CLN3: variants seen among roughly 807,000 people sequenced by gnomAD.
The protein encoded by CLN3 is CLN3 lysosomal/endosomal transmembrane protein, battenin.
CLN3 carries 49 observed loss-of-function variants against 60.7 expected under a neutral mutation model. That is an observed-to-expected ratio of 0.81 (90% confidence interval 0.64 to 1.02). The LOEUF (loss-of-function observed/expected upper bound fraction) is 1.02. Among genes scored for constraint, CLN3 ranks in the 50% least tolerant of loss-of-function variants. The pLI is 0.00. For synonymous variants in CLN3, 256 were observed against 245.8 expected (o/e 1.04, Z -0.39); for missense variants, 516 against 557.4 (o/e 0.93, Z 0.75).
chr16:28,480,932 C>T (rs1458041987), intron 14 of CLN3, among the ~76,000 whole-genome samples: 1 of 152,314 alleles, frequency 6.6e-6, no homozygotes, highest in Admixed American at 6.5e-5. Context: ...AGATAAATAA[C>T]CCACTGACTT....
intron 5 of CLN3, 128 bp downstream of exon 5, chr16:28,488,463 G>T: frequency 1.3e-6 from 1 of 791,628 alleles, no homozygotes; most frequent in African/African-American, 1.7e-5. Context: ...GTGTGAGCCA[G>T]TGCGCCCAGC....
rs771123624 is a variant in CLN3, at chr16:28,488,582, A to G, written c.294+9T>C. ...GGTCAGGCAAGGACCAGGTGAGATG[A>G]GTACGCACAGCCGTAGAGACAGAGT... On this transcript the variant is annotated intron_variant, in intron 5 of 15. Transcript: ENST00000636147. 3 of 1,613,822 alleles carry G rather than the reference A, an allele frequency of 1.9e-6. No individual in the cohort carries two copies. The South Asian group carries it at 3.3e-5, about 18-fold the overall frequency.
rs45542432 is a variant in CLN3, at chr16:28,482,570, G to C, written c.838-25C>G. 8.7e-6 allele frequency: 14 copies of C among 1,614,032 alleles called. No individual in the cohort carries two copies. The African/African-American group carries it at 1.1e-4, about 12-fold the overall frequency. Reference sequence around the variant, plus strand: ...CCTGGAAAAGGCAGAAGATATAAGCGGGGGGCCTGGAGGTGAGCAAGCCCC... The same window carrying C: ...CCTGGAAAAGGCAGAAGATATAAGCCGGGGGCCTGGAGGTGAGCAAGCCCC... On this transcript the variant is annotated intron_variant, in intron 11 of 15. Transcript: ENST00000636147.
chr16:28,491,426 C>T, intron 3 of CLN3, 56 bp downstream of exon 3: 3 of 1,596,626 alleles, frequency 1.9e-6, no homozygotes, highest in Admixed American at 1.7e-5. Context: ...CCCTTTCCTC[C>T]GGTCACTTCC....
intron 3 of CLN3, among the ~76,000 whole-genome samples, chr16:28,489,763 T>C (rs1282327838): frequency 1.3e-5 from 2 of 151,106 alleles, no homozygotes; most frequent in Non-Finnish European, 3.0e-5. Flanking sequence ...AAATAAAAAA[T>C]AAAAAGGAAG....
At chr16:28,489,222 C>T in intron 4 of CLN3, 68 bp downstream of exon 4, 3 of 1,261,348 alleles carry the variant, frequency 2.4e-6, no homozygotes, top group Non-Finnish European at 3.4e-6. Context: ...AACTTTACCC[C>T]ACCTTGTCCC....
Position 28,487,885 on chromosome 16 carries a change from A to T in CLN3, c.295-144T>A, listed in dbSNP as rs373967346. 1.7e-4 allele frequency: 117 copies of T among 697,112 alleles called. 1 individual carries two copies. In the East Asian group the frequency reaches 3.0e-3, roughly 18 times the overall value. 43.2% of individuals were successfully genotyped at this position (697,112 alleles called of 1,614,324 possible). A position where few individuals can be genotyped will look rare whatever the true frequency, so the allele number is the denominator to read the frequency against. ...TCAGGCACGCCTGGGTTCAAGTCTC[A>T]GCTCTCCCACTCCTTAGTTGTGTGT... On this transcript the variant is annotated intron_variant, in intron 5 of 15. Transcript: ENST00000636147.
At chr16:28,486,282 A>G in intron 9 of CLN3, 65 bp downstream of exon 9, 3 of 1,602,242 alleles carry the variant, frequency 1.9e-6, no homozygotes, top group Non-Finnish European at 2.6e-6. Context: ...GTGAGCCACC[A>G]CACCCAGCCA....
At chr16:28,487,381 T>G (rs1016600722) in intron 7 of CLN3, 75 bp downstream of exon 7, 2 of 1,202,908 alleles carry the variant, frequency 1.7e-6, no homozygotes, top group Middle Eastern at 1.9e-4. Context: ...TCTGGGAGGC[T>G]GGGGAGACTC....
At chr16:28,476,866 G>A (rs1350512485), downstream of CLN3, 2 of 157,038 alleles carry the variant, frequency 1.3e-5, no homozygotes, top group Non-Finnish European at 2.8e-5. Context: ...GCCAGGTACA[G>A]TGGCTCACAC....
downstream of CLN3, among the ~76,000 whole-genome samples, chr16:28,474,679 T>C (rs922343872): frequency 6.6e-6 from 1 of 152,190 alleles, no homozygotes; most frequent in African/African-American, 2.4e-5. Flanking sequence ...TTCCACTCCT[T>C]GATATTATCC....
intron 12 of CLN3, 26 bp downstream of exon 12, chr16:28,482,451 C>T (rs1440698898): frequency 1.2e-6 from 2 of 1,613,972 alleles, no homozygotes; most frequent in Non-Finnish European, 1.7e-6. Flanking sequence ...GCCACCTCCA[C>T]ACCCCTCCTA....
In CLN3 at chr16:28,489,270, G is replaced by T; in HGVS notation, c.222+20C>A. On this transcript the variant is annotated intron_variant, in intron 4 of 15. Transcript: ENST00000636147. ...TCCCACAGGGACTAACCATGGTGGT[G>T]GTGGTAGAGAGTCACTTACATGGCT... is the stretch of plus-strand genomic sequence containing the variant. 1 of 1,578,976 alleles carries T rather than the reference G, an allele frequency of 6.3e-7. No homozygotes were observed. The highest frequency in any genetic ancestry group is 2.2e-5 in the East Asian group (1 of 44,574).
intron 5 of CLN3, 73 bp from the exon 6 acceptor site, chr16:28,487,814 G>A (rs966875545): frequency 1.6e-6 from 2 of 1,223,134 alleles, no homozygotes; most frequent in African/African-American, 3.0e-5. Context: ...GCCAAGGAGA[G>A]GCAGGAGCTG....
intron 4 of CLN3, 41 bp from the exon 5 acceptor site, chr16:28,488,703 G>A (rs1198747075): frequency 6.3e-7 from 1 of 1,588,202 alleles, no homozygotes; most frequent in Admixed American, 1.7e-5. Flanking sequence ...GGAGGCAGAG[G>A]GATAGACACA....
At chr16:28,487,609 C>A in intron 6 of CLN3, 53 bp downstream of exon 6, 1 of 1,598,240 alleles carries the variant, frequency 6.3e-7, no homozygotes, top group Non-Finnish European at 8.6e-7. Context: ...GCCATCCCAG[C>A]CTCCCCTTTC....
intron 4 of CLN3, among the ~76,000 whole-genome samples, chr16:28,489,053 C>T (rs1380671317): frequency 1.3e-5 from 2 of 152,116 alleles, no homozygotes; most frequent in African/African-American, 4.8e-5. Flanking sequence ...AGGTGTGTGC[C>T]ACCACACCCA....
intron 10 of CLN3, 108 bp downstream of exon 10, chr16:28,483,898 A>C: frequency 1.3e-6 from 1 of 788,952 alleles, no homozygotes; most frequent in Non-Finnish European, 2.2e-6. Context: ...TTTTCCCATA[A>C]CCAGTACACT....
intron 10 of CLN3, 53 bp downstream of exon 10, chr16:28,483,953 G>T: frequency 2.9e-6 from 4 of 1,367,970 alleles, no homozygotes; most frequent in South Asian, 2.5e-5. Context: ...GAGAGGAAAA[G>T]GCCAAACCCA....
Sources: gnomAD v4.1 joint callset for allele counts (sites outside exome capture counted in the v4.1 genomes callset) on GRCh38, gnomAD v4.1.1 for gene constraint, MANE v1.5 for transcripts, NCBI Gene and HGNC (gene_info 2026-07-23, HGNC 2026-07-21) for gene names.